IQCJ: variants seen among roughly 807,000 people sequenced by gnomAD.
The protein encoded by IQCJ is IQ domain-containing protein J.
A neutral mutation model predicts 11.0 loss-of-function variants in IQCJ; 9 were observed. The ratio of observed to expected loss-of-function variants is 0.82; its 90% CI spans 0.49 to 1.43. The LOEUF is 1.43. Ranked by LOEUF, IQCJ falls within the 40% of genes most tolerant of loss-of-function variation. The pLI is 0.00. For missense variants in IQCJ, 146 were observed against 133.2 expected (o/e 1.10, Z -0.47); for synonymous variants, 55 against 51.3 (o/e 1.07, Z -0.31).
At chr3:159,079,543 T>A (rs1029627616) in intron 1 of IQCJ, among the ~76,000 whole-genome samples, 3 of 152,078 alleles carry the variant, frequency 2.0e-5, no homozygotes, top group African/African-American at 7.2e-5. Flanking sequence ...ATATACAGAA[T>A]CAAGATGAAA....
chr3:159,147,283 A>G (rs1380711049), intron 1 of IQCJ, among the ~76,000 whole-genome samples: 2 of 152,230 alleles, frequency 1.3e-5, no homozygotes, highest in Non-Finnish European at 2.9e-5. Context: ...TAAAATACGC[A>G]TTCAGGCATA....
chr3:159,249,498 T>C (rs576070359), intron 2 of IQCJ, among the ~76,000 whole-genome samples: 1 of 152,342 alleles, frequency 6.6e-6, no homozygotes, highest in Non-Finnish European at 1.5e-5. Context: ...CTTTCATGCT[T>C]GTCCAGGACA....
chr3:159,202,676 T>G (rs1233841213), intron 1 of IQCJ, among the ~76,000 whole-genome samples: 2 of 152,170 alleles, frequency 1.3e-5, no homozygotes, highest in Admixed American at 6.5e-5. Context: ...TATGTATATA[T>G]TTTTAGAGAC....
At chr3:159,197,014 A>G (rs1724027266) in intron 1 of IQCJ, among the ~76,000 whole-genome samples, 2 of 148,412 alleles carry the variant, frequency 1.3e-5, no homozygotes, top group African/African-American at 5.0e-5. Flanking sequence ...CATTTTCTGT[A>G]CTCTTTGTCT....
intron 1 of IQCJ, among the ~76,000 whole-genome samples, chr3:159,111,662 T>C (rs73877507): frequency 0.021 from 3,182 of 152,256 alleles, 109 homozygotes; most frequent in African/African-American, 0.074. Context: ...ACCCCTCACA[T>C]GGTGGAATGC....
intron 1 of IQCJ, among the ~76,000 whole-genome samples, chr3:159,188,991 G>A (rs566175338): frequency 6.6e-5 from 10 of 152,272 alleles, no homozygotes; most frequent in Admixed American, 5.2e-4. Flanking sequence ...GGGGGAGGAC[G>A]TAGTGATGGG....
intron 1 of IQCJ, among the ~76,000 whole-genome samples, chr3:159,102,816 C>A (rs775391666): frequency 6.6e-6 from 1 of 152,114 alleles, no homozygotes; most frequent in Non-Finnish European, 1.5e-5. Flanking sequence ...AATTAAAATT[C>A]CTGGTGACTT....
At chr3:159,206,263 C>G (rs1039251217) in intron 1 of IQCJ, among the ~76,000 whole-genome samples, 5 of 152,116 alleles carry the variant, frequency 3.3e-5, no homozygotes, top group Non-Finnish European at 7.4e-5. Flanking sequence ...TAAGCAATTT[C>G]TTCCTTTTCC....
downstream of IQCJ, chr3:159,265,384 G>C (rs1419309970): frequency 6.2e-7 from 1 of 1,613,224 alleles, no homozygotes; most frequent in Non-Finnish European, 8.5e-7. Flanking sequence ...GAAAGACTTG[G>C]TTTTCTCACC....
At chr3:159,075,276 G>GA (rs1380396457) in intron 1 of IQCJ, among the ~76,000 whole-genome samples, 1 of 152,080 alleles carries the variant, frequency 6.6e-6, no homozygotes, top group Non-Finnish European at 1.5e-5. Context: ...AGGCTGACTT[G>GA]TTTTACTGTA....
intron 1 of IQCJ, 115 bp downstream of exon 1, chr3:159,069,556 AG>A (rs1308545067): frequency 7.0e-7 from 1 of 1,431,802 alleles, no homozygotes; most frequent in African/African-American, 1.4e-5. Context: ...TGTCAAAAAG[AG>A]CTTATAGAAC....
chr3:159,203,175 T>C (rs139153772), intron 1 of IQCJ, among the ~76,000 whole-genome samples: 1 of 149,236 alleles, frequency 6.7e-6, no homozygotes, highest in African/African-American at 2.5e-5. Context: ...CTGGTGTCAT[T>C]GGAGGATTTA....
At chr3:159,164,622 G>C (rs963242507) in intron 1 of IQCJ, among the ~76,000 whole-genome samples, 35 of 152,104 alleles carry the variant, frequency 2.3e-4, no homozygotes, top group African/African-American at 7.7e-4. Context: ...ACAAAAATTA[G>C]CTGAGCATGG....
chr3:159,094,683 A>T (rs1717603993), intron 1 of IQCJ, among the ~76,000 whole-genome samples: 1 of 151,812 alleles, frequency 6.6e-6, no homozygotes, highest in Admixed American at 6.5e-5. Context: ...TAGAATCCTT[A>T]GAACAGAAAA....
chr3:159,212,701 C>T lies in IQCJ; in HGVS notation c.10-33142C>T, dbSNP rs535492146. ...TGAGTTCTTCATAATAGTATGTGCT[C>T]GATAAATATGGATTAAATGGATGAA... On this transcript the variant is annotated intron_variant, in intron 1 of 3. Coordinates refer to ENST00000397832, the MANE Select transcript of IQCJ (RefSeq NM_001042706.3). 7.9e-5 allele frequency among the ~76,000 whole-genome samples: 12 copies of T among 152,150 alleles called. No individual in the cohort carries two copies. The South Asian group carries it at 8.3e-4, about 11-fold the overall frequency.
At position 159,252,805 on chromosome 3, in the gene IQCJ, A is replaced by C; in HGVS notation, c.153A>C (p.Lys51Asn). The change falls in exon 3 of 4, where the codon AAA becomes AAC. Residue 51 changes from lysine to asparagine, a missense_variant and splice_region_variant. Lys to Asn is a moderately conservative substitution (Grantham distance 94). Coordinates refer to ENST00000397832, the MANE Select transcript of IQCJ (RefSeq NM_001042706.3). ...LNLQPLESKV[K>N]IIQRAWREYL... ...TACAGCCCTTGGAATCAAAGGTGAA[A>C]ATGTAAGTTATTTCAAAGTATAAAT... 1 of 1,610,388 alleles carries C rather than the reference A, an allele frequency of 6.2e-7. No individual in the cohort carries two copies. The highest frequency in any genetic ancestry group is 8.5e-7 in the Non-Finnish European group (1 of 1,178,326).
intron 1 of IQCJ, among the ~76,000 whole-genome samples, chr3:159,086,783 A>G (rs1436196045): frequency 1.3e-5 from 2 of 152,246 alleles, no homozygotes; most frequent in Non-Finnish European, 1.5e-5. Flanking sequence ...CTGAGACCTT[A>G]CTGAAGTTGC....
intron 1 of IQCJ, among the ~76,000 whole-genome samples, chr3:159,177,270 C>G (rs1340921327): frequency 2.0e-5 from 3 of 152,090 alleles, no homozygotes; most frequent in Non-Finnish European, 4.4e-5. Context: ...TGGGTGTGCC[C>G]TCTTCTTTCC....
intron 2 of IQCJ, among the ~76,000 whole-genome samples, chr3:159,252,217 A>G (rs984580281): frequency 6.6e-6 from 1 of 152,178 alleles, no homozygotes; most frequent in Non-Finnish European, 1.5e-5. Context: ...AAGCTCACTG[A>G]AAGCAGTGAT....
Sources: allele counts gnomAD v4.1 joint callset (sites outside exome capture counted in the v4.1 genomes callset), GRCh38; gene constraint gnomAD v4.1.1; transcripts MANE v1.5; gene names NCBI Gene and HGNC (gene_info 2026-07-23, HGNC 2026-07-21).